LMX1A: variants seen among roughly 807,000 people sequenced by gnomAD.
LMX1A encodes the protein LIM homeobox transcription factor 1-alpha.
In LMX1A, 15 loss-of-function variants were observed where a neutral mutation model predicts 49.1. That is an observed-to-expected ratio of 0.31 (90% CI 0.20 to 0.47). LMX1A has a LOEUF of 0.47. Ranked by LOEUF, LMX1A falls within the 20% of genes least tolerant of loss-of-function variation. The probability of loss-of-function intolerance (pLI) is 1.00; values close to 1 mark genes in which losing one functional copy is unlikely to be tolerated. For missense variants in LMX1A, 372 were observed against 475.8 expected, an observed-to-expected ratio of 0.78 and a Z score of 2.03; for synonymous variants, 167 against 185.7, an observed-to-expected ratio of 0.90 and a Z score of 0.82.
chr1:165,242,225 T>C (rs574493591), intron 4 of LMX1A, among the ~76,000 whole-genome samples: 1 of 152,266 alleles, frequency 6.6e-6, no homozygotes, highest in South Asian at 2.1e-4. Flanking sequence ...CGCAGAGCAG[T>C]TCAGACTGCC....
intron 4 of LMX1A, among the ~76,000 whole-genome samples, chr1:165,240,124 T>A (rs56341050): frequency 1.1e-3 from 160 of 152,284 alleles, no homozygotes; most frequent in African/African-American, 3.8e-3. Context: ...CAAGTCAGTC[T>A]AAGTGTTGAA....
At chr1:165,266,964 T>C (rs1653646368) in intron 3 of LMX1A, among the ~76,000 whole-genome samples, 1 of 152,124 alleles carries the variant, frequency 6.6e-6, no homozygotes, top group South Asian at 2.1e-4. Flanking sequence ...TTTTTCTCTC[T>C]CTCTCTTTCT....
intron 3 of LMX1A, among the ~76,000 whole-genome samples, chr1:165,259,745 A>T (rs1653367109): frequency 6.6e-6 from 1 of 152,230 alleles, no homozygotes; most frequent in South Asian, 2.1e-4. Flanking sequence ...AATGATCAAG[A>T]AACTAAAGAG....
At chr1:165,204,165 A>C in intron 8 of LMX1A, 125 bp from the exon 9 acceptor site, 1 of 987,626 alleles carries the variant, frequency 1.0e-6, no homozygotes, top group Middle Eastern at 3.3e-4. Context: ...TTTCTACAAA[A>C]AGTCTATATT....
rs924978947 is a variant in LMX1A, at chr1:165,210,774, C to T, written c.672G>A (p.Val224=). ...CTGTCTCTGCAGCCAGAGTCTCTCT[C>T]ACCTTGGAAAAATTGAACGAGAAAT... ...FEVSSKPCRK[V]RETLAAETGL... The change falls in exon 6 of 9, where the codon GTG becomes GTA. Residue 224 remains valine, a splice_region_variant and synonymous_variant. Transcript: ENST00000342310. 6.2e-7 allele frequency: 1 copy of T among 1,613,416 alleles called. No homozygotes were observed. Among genetic ancestry groups the T allele is most frequent in the Non-Finnish European group, 8.5e-7 (1 of 1,179,482 alleles).
chr1:165,260,973 T>C (rs1653415666), intron 3 of LMX1A, among the ~76,000 whole-genome samples: 1 of 152,020 alleles, frequency 6.6e-6, no homozygotes, highest in African/African-American at 2.4e-5. Context: ...GAGAAGGGGG[T>C]CAAATTCTGT....
chr1:165,305,042 G>A (rs897890885), intron 3 of LMX1A, among the ~76,000 whole-genome samples: 8 of 152,074 alleles, frequency 5.3e-5, no homozygotes, highest in African/African-American at 1.9e-4. Context: ...CTTGTCTCTT[G>A]GGCCCTCTAG....
At chr1:165,302,643 A>G (rs892386215) in intron 3 of LMX1A, among the ~76,000 whole-genome samples, 1 of 152,166 alleles carries the variant, frequency 6.6e-6, no homozygotes, top group Non-Finnish European at 1.5e-5. Context: ...TGCCTAAACA[A>G]TCACTTTTAC....
intron 3 of LMX1A, among the ~76,000 whole-genome samples, chr1:165,302,287 T>C (rs947737805): frequency 6.6e-6 from 1 of 151,488 alleles, no homozygotes; most frequent in Non-Finnish European, 1.5e-5. Context: ...CTACTAAAAA[T>C]ACAAAAATTA....
rs1343971867 is a variant in LMX1A at position 165,208,141 on chromosome 1, G to A, written c.748-9C>T. On this transcript the variant is annotated splice_polypyrimidine_tract_variant and intron_variant, in intron 6 of 8. Coordinates refer to ENST00000342310, the MANE Select transcript of LMX1A (RefSeq NM_177398.4). ...CTGGCCAGCTTCTTCATCTGATAAG[G>A]AGAGGACCATAGGATTAGAAGTCAG... is the stretch of plus-strand genomic sequence containing the variant. 6.2e-7 allele frequency: 1 copy of A among 1,613,710 alleles called. No homozygotes were observed. Among genetic ancestry groups the A allele is most frequent in the Non-Finnish European group, 8.5e-7 (1 of 1,179,866 alleles).
intron 4 of LMX1A, among the ~76,000 whole-genome samples, chr1:165,224,775 A>G (rs1249375673): frequency 1.3e-5 from 2 of 152,222 alleles, no homozygotes; most frequent in Non-Finnish European, 2.9e-5. Context: ...TCTTTTCACA[A>G]ATCAATTCAC....
intron 3 of LMX1A, among the ~76,000 whole-genome samples, chr1:165,291,163 C>T (rs1654456787): frequency 6.6e-6 from 1 of 152,192 alleles, no homozygotes; most frequent in Admixed American, 6.5e-5. Flanking sequence ...TTTCAATTTG[C>T]ACAGCCCCAC....
Position 165,202,475 on chromosome 1 carries a change from G to A in LMX1A, c.*1405C>T, listed in dbSNP as rs41266636. ...TAGAAACAGACCCTCTAAAACAAGG[G>A]GCCCCAAACTTTTTCTGTAAGGGCC... On this transcript the variant is annotated 3_prime_UTR_variant, in exon 9 of 9. Coordinates refer to ENST00000342310, the MANE Select transcript of LMX1A (RefSeq NM_177398.4). 32,571 of 151,934 alleles carry A rather than the reference G, an allele frequency of 0.21. 4,412 individuals are homozygous for A. The highest frequency in any genetic ancestry group is 0.34 in the Middle Eastern group (100 of 294). The allele number at this position is 151,934 out of a possible 1,614,324, so 9.4% of individuals were successfully genotyped here. A position where few individuals can be genotyped will look rare whatever the true frequency, so the allele number is the denominator to read the frequency against.
At chr1:165,210,617 C>T in intron 6 of LMX1A, 82 bp downstream of exon 6, 1 of 992,764 alleles carries the variant, frequency 1.0e-6, no homozygotes, top group Non-Finnish European at 1.5e-6. Flanking sequence ...GCGAGAAAAC[C>T]TGGCAGCAAG....
chr1:165,238,278 G>C (rs1652524664), intron 4 of LMX1A, among the ~76,000 whole-genome samples: 1 of 152,204 alleles, frequency 6.6e-6, no homozygotes, highest in African/African-American at 2.4e-5. Context: ...TCATTTGATT[G>C]ATGGGGGCTG....
chr1:165,345,486 G>A (rs1656213150), intron 3 of LMX1A, among the ~76,000 whole-genome samples: 1 of 152,200 alleles, frequency 6.6e-6, no homozygotes, highest in Admixed American at 6.5e-5. Flanking sequence ...GTTTATTGGT[G>A]ACAGTATCAG....
chr1:165,280,834 C>T (rs188456555), intron 3 of LMX1A, among the ~76,000 whole-genome samples: 1 of 152,266 alleles, frequency 6.6e-6, no homozygotes, highest in East Asian at 1.9e-4. Context: ...CACCCCACCC[C>T]CACCGCATGG....
intron 8 of LMX1A, 67 bp downstream of exon 8, chr1:165,205,797 T>G: frequency 6.8e-7 from 1 of 1,470,388 alleles, no homozygotes; most frequent in Non-Finnish European, 9.4e-7. Context: ...TGCCTAGATG[T>G]GTTTAGGAGG....
intron 4 of LMX1A, among the ~76,000 whole-genome samples, chr1:165,237,414 A>G (rs1021103321): frequency 6.6e-5 from 10 of 151,970 alleles, no homozygotes; most frequent in African/African-American, 2.4e-4. Flanking sequence ...TTTAGTAGAG[A>G]CGGGGTTTCA....
Sources: gnomAD v4.1 joint callset for allele counts (sites outside exome capture counted in the v4.1 genomes callset) on GRCh38, gnomAD v4.1.1 for gene constraint, MANE v1.5 for transcripts, NCBI Gene and HGNC (gene_info 2026-07-23, HGNC 2026-07-21) for gene names.